Variants in FLNB observed in about 807,000 individuals in gnomAD.
FLNB encodes the protein filamin-B.
Under a neutral mutation model 250.6 loss-of-function variants are expected in FLNB, and 111 were observed. That is an observed-to-expected ratio of 0.44 (90% confidence interval 0.38 to 0.52). The LOEUF (loss-of-function observed/expected upper bound fraction) is 0.52. FLNB is among the 20% of genes least tolerant of loss of function. The pLI, the probability that FLNB is intolerant of heterozygous loss-of-function variation, is 0.00. For synonymous variants in FLNB, 1,302 were observed against 1,372.1 expected (o/e 0.95, Z 1.13); for missense variants, 2,869 against 3,447.8 (o/e 0.83, Z 4.20).
Position 58,125,734 on chromosome 3 carries a change from T to C in FLNB, c.4052T>C (p.Val1351Ala), listed in dbSNP as rs776172010. The change falls in exon 23 of 46, where the codon GTG (valine) becomes GCG (alanine). Residue 1351 changes from valine (V) to alanine (A), a missense_variant. By Grantham distance (64) the Val-to-Ala change is moderately conservative (BLOSUM62 0). This residue lies in a region of FLNB where 1,348 missense variants were observed against 1,466.7 expected (regional missense o/e 0.92). Coordinates refer to ENST00000295956, the MANE Select transcript of FLNB (RefSeq NM_001457.4). Reference protein sequence around the residue: ...AFTNKPNVFTVVTRGAGIGGL... With the variant: ...AFTNKPNVFTAVTRGAGIGGL... ...ACCAACAAGCCCAATGTCTTCACCG[T>C]GGTTACCAGGTAGGCAAGGCCCTAC... 1 of 1,614,178 alleles carries C rather than the reference T, an allele frequency of 6.2e-7. No individual in the cohort carries two copies. The highest frequency in any genetic ancestry group is 2.2e-5 in the East Asian group (1 of 44,892).
chr3:58,129,767 C>T (rs2097303580), intron 24 of FLNB, among the ~76,000 whole-genome samples: 1 of 152,184 alleles, frequency 6.6e-6, no homozygotes, highest in Admixed American at 6.5e-5. Flanking sequence ...CCATGGGGAG[C>T]ACCAGGACTC....
chr3:58,081,705 A>C lies in FLNB; in HGVS notation c.716A>C (p.Lys239Thr). Residue 239 changes from lysine (K) to threonine (T), a missense_variant, in exon 4 of 46, where the codon AAA becomes ACA. Around this residue, in one of 5 missense-constraint regions of FLNB, gnomAD observed 308 missense variants for 466.1 expected, o/e 0.66. Transcript: ENST00000295956. Reference sequence around the variant, plus strand: ...ATGACTTACCTGTCCCAGTTCCCCAAAGCCAAGCTCAAGCCGGGGGCTCCT... The same window carrying C: ...ATGACTTACCTGTCCCAGTTCCCCACAGCCAAGCTCAAGCCGGGGGCTCCT... ...SVMTYLSQFP[K>T]AKLKPGAPLK... The C allele has an allele frequency of 6.2e-7, 1 of 1,614,130 alleles. No individual in the cohort carries two copies. Among genetic ancestry groups the C allele is most frequent in the East Asian group, 2.2e-5 (1 of 44,878 alleles).
In FLNB at chr3:58,159,670, G is replaced by A; in HGVS notation, c.7005G>A (p.Val2335=). ...CTGGAGCCGTGGAGGAGTGCCACGT[G>A]TCTGAGCTGGAGCCAGGTGAGCAGG... ...SPSGAVEECH[V]SELEPDKYAV... Residue 2335 remains valine (V), a synonymous_variant, in exon 42 of 46, where the codon GTG becomes GTA. Coordinates refer to ENST00000295956, the MANE Select transcript of FLNB (RefSeq NM_001457.4). 6.2e-7 allele frequency: 1 copy of A among 1,613,664 alleles called. No homozygotes were observed. Among genetic ancestry groups the A allele is most frequent in the Non-Finnish European group, 8.5e-7 (1 of 1,180,032 alleles).
Position 58,008,464 on chromosome 3 carries a change from C to A in FLNB, c.-101C>A. ...GGCTCCGGTAGCAGCAAGTTCGAAC[C>A]CCGCTCCCGCTCCGCTTCGGTTCTC... On this transcript the variant is annotated 5_prime_UTR_variant, in exon 1 of 46. Coordinates refer to ENST00000295956, the MANE Select transcript of FLNB (RefSeq NM_001457.4). 7.1e-7 allele frequency: 1 copy of A among 1,410,188 alleles called. No individual in the cohort carries two copies. The allele number at this position is 1,410,188 out of a possible 1,614,324, so 87.4% of individuals were successfully genotyped here.
At position 58,136,041 on chromosome 3, in the gene FLNB, C is replaced by T; in HGVS notation, c.4734C>T (p.Val1578=). ...ACAATAAAGATGGCACGTATGCTGTCACCTACATCCCCGACAAGACTGGGC... is the reference window on the plus strand; with the variant it reads ...ACAATAAAGATGGCACGTATGCTGTTACCTACATCCCCGACAAGACTGGGC... ...VHDNKDGTYA[V]TYIPDKTGRY... Residue 1578 remains valine (V), a synonymous_variant, in exon 28 of 46, where the codon GTC becomes GTT. Transcript: ENST00000295956. The T allele has an allele frequency of 2.5e-6, 4 of 1,614,196 alleles. No individual in the cohort carries two copies. Among genetic ancestry groups the T allele is most frequent in the Non-Finnish European group, 3.4e-6 (4 of 1,180,040 alleles).
chr3:58,102,191 C>A lies in FLNB; in HGVS notation c.1346-12C>A. ...ATGAAAGATTGAATTGATGTCAAAA[C>A]TGTGCTTGCAGCCTGCAATCCAAAT... On this transcript the variant is annotated splice_polypyrimidine_tract_variant and intron_variant, in intron 8 of 45. Coordinates refer to ENST00000295956, the MANE Select transcript of FLNB (RefSeq NM_001457.4). 1 of 1,614,162 alleles carries A rather than the reference C, an allele frequency of 6.2e-7. No homozygotes were observed. The highest frequency in any genetic ancestry group is 1.1e-5 in the South Asian group (1 of 91,084).
At chr3:58,167,867 C>G (rs1034405153) in intron 43 of FLNB, among the ~76,000 whole-genome samples, 1 of 152,232 alleles carries the variant, frequency 6.6e-6, no homozygotes, top group Non-Finnish European at 1.5e-5. Context: ...GCCCCGTCAG[C>G]GGGAGCTGCT....
At chr3:58,049,772 G>T (rs1444048289) in intron 1 of FLNB, among the ~76,000 whole-genome samples, 1 of 152,132 alleles carries the variant, frequency 6.6e-6, no homozygotes, top group Non-Finnish European at 1.5e-5. Flanking sequence ...CTGCAAAGGG[G>T]GTGTCAGGAC....
At position 58,109,287 on chromosome 3, in the gene FLNB, TG is replaced by T. The variant is rs759148943; in HGVS notation, c.2168del (p.Gly723GlufsTer3). The T allele has an allele frequency of 1.2e-6, 2 of 1,614,164 alleles. No homozygotes were observed. Among genetic ancestry groups the T allele is most frequent in the South Asian group, 2.2e-5 (2 of 91,056 alleles). ...CATCAAGCACACCATTGCTGTGGTCTGGGGAGGCGTGAACATCCCGCACAGC... is the reference window on the plus strand; with the variant it reads ...CATCAAGCACACCATTGCTGTGGTCTGGGAGGCGTGAACATCCCGCACAGC... ...KAIKHTIAVV[W>X]GGVNIPHSPY... On this transcript the variant is annotated frameshift_variant, in exon 14 of 46. Coordinates refer to ENST00000295956, the MANE Select transcript of FLNB (RefSeq NM_001457.4). LOFTEE classifies it high-confidence loss of function.
At chr3:58,082,245 G>A (rs917656542) in intron 4 of FLNB, among the ~76,000 whole-genome samples, 1 of 152,160 alleles carries the variant, frequency 6.6e-6, no homozygotes, top group Non-Finnish European at 1.5e-5. Flanking sequence ...TTATGACTGC[G>A]AGGCAGCTGC....
intron 20 of FLNB, among the ~76,000 whole-genome samples, chr3:58,122,113 G>T (rs1313581909): frequency 7.0e-6 from 1 of 143,536 alleles, no homozygotes; most frequent in South Asian, 2.3e-4. Context: ...AGCTTGCAGT[G>T]AGCTGAGATC....
chr3:58,086,416 G>A (rs952914196), intron 4 of FLNB, among the ~76,000 whole-genome samples: 15 of 151,866 alleles, frequency 9.9e-5, no homozygotes, highest in African/African-American at 3.6e-4. Flanking sequence ...CTTCCCAACT[G>A]CCAATCTCAT....
At chr3:58,010,449 A>T (rs1181423613) in intron 1 of FLNB, among the ~76,000 whole-genome samples, 3 of 152,114 alleles carry the variant, frequency 2.0e-5, no homozygotes, top group Admixed American at 1.3e-4. Context: ...GATCTCCAGC[A>T]GCCCTCCCCC....
At chr3:58,110,856 C>T (rs2097267425) in intron 16 of FLNB, among the ~76,000 whole-genome samples, 1 of 152,180 alleles carries the variant, frequency 6.6e-6, no homozygotes, top group Non-Finnish European at 1.5e-5. Flanking sequence ...TAGGCATGAG[C>T]CACCACATTT....
At chr3:58,077,948 C>T (rs1176813939) in intron 2 of FLNB, among the ~76,000 whole-genome samples, 1 of 151,990 alleles carries the variant, frequency 6.6e-6, no homozygotes, top group Non-Finnish European at 1.5e-5. Context: ...TTTACACACA[C>T]CCCCTAAAGT....
chr3:58,135,869 A>G (rs1054098038), intron 27 of FLNB, 110 bp from the exon 28 acceptor site: 5 of 1,110,402 alleles, frequency 4.5e-6, no homozygotes, highest in African/African-American at 1.6e-5. Context: ...TAAGCCATCA[A>G]TTCTGTCTGT....
Position 58,168,435 on chromosome 3 carries a change from C to T in FLNB, c.7199-5C>T, listed in dbSNP as rs2097374754. 1.2e-6 allele frequency: 2 copies of T among 1,610,950 alleles called. No homozygotes were observed. The highest frequency in any genetic ancestry group is 4.5e-5 in the East Asian group (2 of 44,866). On this transcript the variant is annotated splice_region_variant and splice_polypyrimidine_tract_variant and intron_variant, in intron 43 of 45. Coordinates refer to ENST00000295956, the MANE Select transcript of FLNB (RefSeq NM_001457.4). ...AACACAGCATTTTCTATTCCTTTCT[C>T]CCAGGTATCCAGTCGGAATTCTTTA...
chr3:58,148,329 CCT>C lies in FLNB; in HGVS notation c.5853_5854del (p.Cys1952SerfsTer49). On this transcript the variant is annotated frameshift_variant, in exon 35 of 46. Transcript: ENST00000295956. LOFTEE classifies it high-confidence loss of function. ...AAGGCCCCATCTGGCCGAGACGAGC[CCT>C]GTCTCCTGAAGAGGCTGCCCAACAA... 1 of 1,613,982 alleles carries C rather than the reference CCT, an allele frequency of 6.2e-7. No homozygotes were observed. The highest frequency in any genetic ancestry group is 8.5e-7 in the Non-Finnish European group (1 of 1,179,972).
In FLNB at chr3:58,113,911, T is replaced by G. The variant is rs543460779; in HGVS notation, c.2745+1593T>G. Reference sequence around the variant, plus strand: ...CCAGGCTGGTCTCCAACTCCTGGGCTGAGGCAATCCTTTCACCTCAGCCTC... The same window carrying G: ...CCAGGCTGGTCTCCAACTCCTGGGCGGAGGCAATCCTTTCACCTCAGCCTC... On this transcript the variant is annotated intron_variant, in intron 18 of 45. Coordinates refer to ENST00000295956, the MANE Select transcript of FLNB (RefSeq NM_001457.4). 2.6e-5 allele frequency among the ~76,000 whole-genome samples: 4 copies of G among 152,290 alleles called. No individual in the cohort carries two copies. In the East Asian group the frequency reaches 7.7e-4, roughly 29 times the overall value.
Sources: gnomAD v4.1 joint callset for allele counts (sites outside exome capture counted in the v4.1 genomes callset) on GRCh38, gnomAD v4.1.1 for gene constraint, gnomAD v4.1.1 regional missense constraint, MANE v1.5 for transcripts, NCBI Gene and HGNC (gene_info 2026-07-23, HGNC 2026-07-21) for gene names.